The following IGDCC4 variants were observed in gnomAD, a reference collection of about 807,000 sequenced individuals.
The protein encoded by IGDCC4 is immunoglobulin superfamily DCC subclass member 4.
In IGDCC4, 72 loss-of-function variants were observed where a neutral mutation model predicts 116.6. That is an observed-to-expected ratio of 0.62 (90% confidence interval 0.51 to 0.75). The LOEUF (loss-of-function observed/expected upper bound fraction) is 0.75, where lower values mean the gene tolerates loss of function less well. Among genes scored for constraint, IGDCC4 ranks in the 30% least tolerant of loss-of-function variants. The pLI, the probability that IGDCC4 is intolerant of heterozygous loss-of-function variation, is 0.00. For synonymous variants in IGDCC4, 709 were observed against 719.9 expected, an observed-to-expected ratio of 0.98 and a Z score of 0.24; for missense variants, 1,501 against 1,662.4, an observed-to-expected ratio of 0.90 and a Z score of 1.69.
In IGDCC4 at chr15:65,388,435, C is replaced by T. The variant is rs755929194; in HGVS notation, c.2845+14G>A. The T allele has an allele frequency of 1.9e-6, 3 of 1,613,942 alleles. No homozygotes were observed. The highest frequency in any genetic ancestry group is 2.5e-6 in the Non-Finnish European group (3 of 1,180,002). On this transcript the variant is annotated intron_variant, in intron 16 of 19. Transcript: ENST00000352385. ...AGTCAATCCAGGGAAACCTGGGCTG[C>T]CCTGTGCTCATACCTGACAGCTTCT...
At chr15:65,392,454 A>G in intron 10 of IGDCC4, 84 bp from the exon 11 acceptor site, 1 of 1,065,654 alleles carries the variant, frequency 9.4e-7, no homozygotes, top group Non-Finnish European at 1.4e-6. Flanking sequence ...GAGACAGGGA[A>G]GAGGCATGAG....
At chr15:65,385,758 A>G (rs2091449039) in intron 18 of IGDCC4, 73 bp downstream of exon 18, 1 of 1,220,392 alleles carries the variant, frequency 8.2e-7, no homozygotes, top group Non-Finnish European at 1.2e-6. Context: ...ATGCTCGCAT[A>G]GCCACGCGTT....
In IGDCC4 at chr15:65,389,367, TTGGTGAA is replaced by T. The variant is rs1384434971; in HGVS notation, c.2446_2452del (p.Phe816AsnfsTer39). ...GTGAGACTGCACTGCAAACTCGTATTTGGTGAATGGCTTCAAGCCGCCAATGAGGATG... is the reference window on the plus strand; with the variant it reads ...GTGAGACTGCACTGCAAACTCGTATTTGGCTTCAAGCCGCCAATGAGGATG... On this transcript the variant is annotated frameshift_variant, in exon 14 of 20. Coordinates refer to ENST00000352385, the MANE Select transcript of IGDCC4 (RefSeq NM_020962.3). LOFTEE classifies it high-confidence loss of function. The T allele has an allele frequency of 1.2e-6, 2 of 1,614,066 alleles. No individual in the cohort carries two copies. Among genetic ancestry groups the T allele is most frequent in the Admixed American group, 1.7e-5 (1 of 59,998 alleles).
In IGDCC4 at chr15:65,384,355, T is replaced by A; in HGVS notation, c.3407A>T (p.His1136Leu). 1 of 1,574,142 alleles carries A rather than the reference T, an allele frequency of 6.4e-7. No individual in the cohort carries two copies. Among genetic ancestry groups the A allele is most frequent in the Non-Finnish European group, 8.6e-7 (1 of 1,161,950 alleles). ...RNQVEAEVIV[H>L]SDFSASNGNP... ...CCCGTTAGATGCACTAAAGTCAGAG[T>A]GGACAATGACTTCAGCCTCCACCTG... Residue 1136 changes from histidine to leucine, a missense_variant, in exon 20 of 20, where the codon CAC (histidine) becomes CTC (leucine). This residue lies in a region of IGDCC4 where 368 missense variants were observed against 355.6 expected (regional missense o/e 1.03). Transcript: ENST00000352385. The surrounding 1 kb of genome is among the most constrained non-coding windows in gnomAD (Gnocchi z 4.9).
chr15:65,421,733 C>A (rs2063193020), intron 1 of IGDCC4, among the ~76,000 whole-genome samples: 1 of 151,892 alleles, frequency 6.6e-6, no homozygotes. Flanking sequence ...CAGCTCCCCC[C>A]TCCGCGGGGA....
chr15:65,394,401 C>T lies in IGDCC4; in HGVS notation c.1714+10G>A. 1 of 1,613,870 alleles carries T rather than the reference C, an allele frequency of 6.2e-7. No homozygotes were observed. Among genetic ancestry groups the T allele is most frequent in the Non-Finnish European group, 8.5e-7 (1 of 1,180,000 alleles). On this transcript the variant is annotated intron_variant, in intron 9 of 19. Transcript: ENST00000352385. ...CCATACATGCCTGCAGCCCACCCAC[C>T]CCCACTCACCTTCCTTTCCCAAACC... is the stretch of plus-strand genomic sequence containing the variant.
intron 3 of IGDCC4, 77 bp from the exon 4 acceptor site, chr15:65,402,564 C>T (rs2062998930): frequency 2.0e-6 from 3 of 1,503,588 alleles, no homozygotes; most frequent in Non-Finnish European, 2.7e-6. Flanking sequence ...AAGATAAATG[C>T]AAATTAAAAC....
intron 1 of IGDCC4, among the ~76,000 whole-genome samples, chr15:65,418,680 C>G (rs2063164832): frequency 6.6e-6 from 1 of 151,730 alleles, no homozygotes; most frequent in South Asian, 2.1e-4. Context: ...TCACCCACCT[C>G]TGACCAGGCT....
At chr15:65,385,745 G>T in intron 18 of IGDCC4, 86 bp downstream of exon 18, 2 of 1,102,628 alleles carry the variant, frequency 1.8e-6, no homozygotes, top group Non-Finnish European at 2.8e-6. Flanking sequence ...AGGAGGTAGA[G>T]CCATGCTCGC....
intron 3 of IGDCC4, among the ~76,000 whole-genome samples, chr15:65,405,438 A>G (rs1441540498): frequency 6.6e-6 from 1 of 152,186 alleles, no homozygotes; most frequent in African/African-American, 2.4e-5. Context: ...GCACTGTGAC[A>G]TGCTGGAGAG....
In IGDCC4 at chr15:65,384,493, G is replaced by T; in HGVS notation, c.3343-74C>A. The T allele has an allele frequency of 7.1e-7, 1 of 1,406,044 alleles. No homozygotes were observed. Among genetic ancestry groups the T allele is most frequent in the South Asian group, 1.5e-5 (1 of 65,132 alleles). The allele number at this position is 1,406,044 out of a possible 1,614,324, so 87.1% of individuals were successfully genotyped here. ...ATCATCAGAATGACCAGCGTACGTG[G>T]GGCAGAAAGTCTGACCCTCCATCAG... On this transcript the variant is annotated intron_variant, in intron 19 of 19. Transcript: ENST00000352385. This position sits in a 1 kb window ranked among gnomAD's most constrained non-coding sequence, Gnocchi z 4.9.
At chr15:65,419,564 A>G (rs983642059) in intron 1 of IGDCC4, among the ~76,000 whole-genome samples, 9 of 152,168 alleles carry the variant, frequency 5.9e-5, no homozygotes, top group Admixed American at 2.0e-4. Context: ...AGAAACTCCA[A>G]CTGTTTGACC....
At chr15:65,419,800 T>G (rs1471321020) in intron 1 of IGDCC4, among the ~76,000 whole-genome samples, 1 of 152,174 alleles carries the variant, frequency 6.6e-6, no homozygotes, top group African/African-American at 2.4e-5. Context: ...GTGCGTGTGA[T>G]AAGAACAGAG....
chr15:65,394,318 A>G, intron 9 of IGDCC4, 93 bp downstream of exon 9: 1 of 1,566,098 alleles, frequency 6.4e-7, no homozygotes, highest in Non-Finnish European at 8.6e-7. Context: ...CTTTCCTCCG[A>G]CTCCCGTACC....
Position 65,395,898 on chromosome 15 carries a change from G to C in IGDCC4, c.1263C>G (p.Ala421=), listed in dbSNP as rs145183412. Residue 421 remains alanine (A), a synonymous_variant, in exon 7 of 20, where the codon GCC becomes GCG. Coordinates refer to ENST00000352385, the MANE Select transcript of IGDCC4 (RefSeq NM_020962.3). The part of the protein sequence containing the change: ...AGMACAAASL[A]VVVREGLPSA... ...TGGGCAGCCCCTCGCGCACCACCAC[G>C]GCCAGCGACGCGGCAGCGCACGCCA... The C allele has an allele frequency of 1.3e-6, 2 of 1,589,802 alleles. No individual in the cohort carries two copies. The highest frequency in any genetic ancestry group is 1.7e-6 in the Non-Finnish European group (2 of 1,175,046).
intron 5 of IGDCC4, among the ~76,000 whole-genome samples, chr15:65,399,815 T>C (rs2062967551): frequency 6.6e-6 from 1 of 152,244 alleles, no homozygotes; most frequent in Non-Finnish European, 1.5e-5. Context: ...TAAACTTATA[T>C]TTTTAAAGAT....
At position 65,390,195 on chromosome 15, in the gene IGDCC4, A is replaced by G. The variant is rs2091500671; in HGVS notation, c.2368T>C (p.Trp790Arg). 2 of 1,603,888 alleles carry G rather than the reference A, an allele frequency of 1.2e-6. No individual in the cohort carries two copies. The highest frequency in any genetic ancestry group is 1.7e-6 in the Non-Finnish European group (2 of 1,172,142). The part of the protein sequence containing the change: ...IVNYTVRFSP[W>R]GLRNASLVTY... ...ACCAGGGAGGCATTCCTGAGCCCCC[A>G]GGGGCTGAAGCGCACAGTGTAGTTG... is the stretch of plus-strand genomic sequence containing the variant. Residue 790 changes from tryptophan (W) to arginine (R), a missense_variant, in exon 13 of 20, where the codon TGG (tryptophan) becomes CGG (arginine). Transcript: ENST00000352385.
At chr15:65,414,644 CTTTG>C (rs1014052668) in intron 1 of IGDCC4, among the ~76,000 whole-genome samples, 22 of 152,160 alleles carry the variant, frequency 1.4e-4, no homozygotes, top group Admixed American at 2.6e-4. Context: ...GGAGCTTATT[CTTTG>C]TTTGTTTGTT....
intron 12 of IGDCC4, 149 bp from the exon 13 acceptor site, chr15:65,390,487 G>T (rs2091504492): frequency 1.8e-6 from 1 of 547,686 alleles, no homozygotes; most frequent in Non-Finnish European, 2.9e-6. Flanking sequence ...CACAGATAAG[G>T]CAATTGAGGC....
Sources: gnomAD v4.1 joint callset for allele counts (sites outside exome capture counted in the v4.1 genomes callset) on GRCh38, gnomAD v4.1.1 for gene constraint, gnomAD v4.1.1 regional missense constraint, Gnocchi (gnomAD v3.1) non-coding constraint, MANE v1.5 for transcripts, NCBI Gene and HGNC (gene_info 2026-07-23, HGNC 2026-07-21) for gene names.